PTPRM: variants seen among roughly 807,000 people sequenced by gnomAD.
The protein encoded by PTPRM is protein tyrosine phosphatase receptor type M.
In PTPRM, 47 loss-of-function variants were observed where a neutral mutation model predicts 186.7. The ratio of observed to expected loss-of-function variants is 0.25; its 90% CI spans 0.20 to 0.32. The LOEUF (loss-of-function observed/expected upper bound fraction) is 0.32, where lower values mean the gene tolerates loss of function less well. Among genes scored for constraint, PTPRM ranks in the 10% least tolerant of loss-of-function variants. The probability of loss-of-function intolerance (pLI) is 1.00; values close to 1 mark genes in which losing one functional copy is unlikely to be tolerated. For missense variants in PTPRM, 1,494 were observed against 1,865.0 expected (o/e 0.80, Z 3.66); for synonymous variants, 668 against 674.9 (o/e 0.99, Z 0.16).
chr18:7,960,888 A>C (rs1170910835), intron 7 of PTPRM, among the ~76,000 whole-genome samples: 1 of 152,140 alleles, frequency 6.6e-6, no homozygotes, highest in Non-Finnish European at 1.5e-5. Flanking sequence ...GATATTTTTT[A>C]TTATTTTACT....
intron 1 of PTPRM, among the ~76,000 whole-genome samples, chr18:7,771,406 T>C (rs1328798965): frequency 2.0e-5 from 3 of 152,246 alleles, no homozygotes; most frequent in Non-Finnish European, 4.4e-5. Context: ...CGTAAATGTT[T>C]GCAGTCTTCT....
chr18:8,201,225 A>G (rs993116439), intron 14 of PTPRM, among the ~76,000 whole-genome samples: 7 of 152,236 alleles, frequency 4.6e-5, no homozygotes, highest in Non-Finnish European at 1.0e-4. Flanking sequence ...CTGAGGCAGG[A>G]GAATTGCTTA....
At position 8,081,929 on chromosome 18, in the gene PTPRM, G is replaced by T. The variant is rs536112181; in HGVS notation, c.1552-3742G>T. 1.3e-4 allele frequency among the ~76,000 whole-genome samples: 20 copies of T among 152,260 alleles called. No homozygotes were observed. The East Asian group carries it at 3.3e-3, about 25-fold the overall frequency. On this transcript the variant is annotated intron_variant, in intron 9 of 32. Transcript: ENST00000580170. ...TTTTACCAAATTGTCAAAGGGCTAT[G>T]ACTGGAAGCCAGCTAAGAACCCCAG...
chr18:8,344,192 C>G (rs2095491057), intron 23 of PTPRM, among the ~76,000 whole-genome samples: 1 of 152,034 alleles, frequency 6.6e-6, no homozygotes, highest in South Asian at 2.1e-4. Context: ...CATGGTTGTG[C>G]TAACTGAAGA....
At chr18:8,051,602 G>A (rs2087504121) in intron 7 of PTPRM, among the ~76,000 whole-genome samples, 1 of 152,080 alleles carries the variant, frequency 6.6e-6, no homozygotes, top group Non-Finnish European at 1.5e-5. Flanking sequence ...TTGCATCATA[G>A]TAGTCCTGTG....
At chr18:7,619,876 G>A (rs940131758) in intron 1 of PTPRM, among the ~76,000 whole-genome samples, 8 of 152,254 alleles carry the variant, frequency 5.3e-5, no homozygotes, top group South Asian at 2.1e-4. Context: ...AGGAAAGCTC[G>A]TGCTTGTTTC....
At chr18:7,602,473 G>T (rs1244553165) in intron 1 of PTPRM, among the ~76,000 whole-genome samples, 2 of 149,872 alleles carry the variant, frequency 1.3e-5, no homozygotes, top group Non-Finnish European at 3.0e-5. Flanking sequence ...TGTAGCCCAT[G>T]CTGGAGTGCA....
chr18:7,949,656 A>C (rs980278852), intron 6 of PTPRM, among the ~76,000 whole-genome samples: 5 of 152,182 alleles, frequency 3.3e-5, no homozygotes, highest in African/African-American at 1.2e-4. Flanking sequence ...TTAAGGAATA[A>C]AATTTTTTAC....
chr18:7,819,275 T>C (rs983004728), intron 2 of PTPRM, among the ~76,000 whole-genome samples: 4 of 82,408 alleles, frequency 4.9e-5, no homozygotes, highest in Non-Finnish European at 8.8e-5. Context: ...TGGCCTGCCA[T>C]GCCCCCTTCC....
intron 14 of PTPRM, among the ~76,000 whole-genome samples, chr18:8,200,685 T>A (rs2093843505): frequency 6.6e-6 from 1 of 152,252 alleles, no homozygotes; most frequent in East Asian, 1.9e-4. Context: ...ACTTAAACTT[T>A]TTATTTTCAA....
chr18:8,387,227 G>A lies in PTPRM; in HGVS notation c.4200G>A (p.Val1400=). 1 of 1,613,600 alleles carries A rather than the reference G, an allele frequency of 6.2e-7. No individual in the cohort carries two copies. ...ATGGCGGGGAAGGCCGCACGGTTGT[G>A]CACTGCTTGTAAGTGCTTGACAGAG... is the stretch of plus-strand genomic sequence containing the variant. ...EYNGGEGRTV[V]HCLNGGGRSG... Residue 1400 remains valine (V), a synonymous_variant, in exon 31 of 33, where the codon GTG becomes GTA. Transcript: ENST00000580170.
rs2090560316 is a variant in PTPRM at position 8,088,730 on chromosome 18, T to A, written c.1754-19T>A. 1 of 1,562,910 alleles carries A rather than the reference T, an allele frequency of 6.4e-7. No homozygotes were observed. On this transcript the variant is annotated intron_variant, in intron 10 of 32. Coordinates refer to ENST00000580170, the MANE Select transcript of PTPRM (RefSeq NM_001105244.2). ...AAACCAGAAATAATGAGTCTCCCAT[T>A]CTACGCCTTTTTCCCCAGCACCCTC...
chr18:7,658,482 G>A (rs572932405), intron 1 of PTPRM, among the ~76,000 whole-genome samples: 3 of 151,956 alleles, frequency 2.0e-5, no homozygotes, highest in East Asian at 3.9e-4. Flanking sequence ...GAATCAACCA[G>A]CCTCTCTACT....
intron 15 of PTPRM, among the ~76,000 whole-genome samples, chr18:8,245,025 A>G (rs1348572385): frequency 6.6e-6 from 1 of 152,218 alleles, no homozygotes; most frequent in Admixed American, 6.5e-5. Context: ...TTACAAAAAA[A>G]TAATCGTAGT....
intron 23 of PTPRM, 77 bp downstream of exon 23, chr18:8,343,597 C>G: frequency 7.6e-7 from 1 of 1,314,104 alleles, no homozygotes. Context: ...ATGAGGCAAG[C>G]TTTTGAACTA....
At chr18:8,337,570 G>T (rs534599581) in intron 22 of PTPRM, among the ~76,000 whole-genome samples, 2 of 152,304 alleles carry the variant, frequency 1.3e-5, no homozygotes, top group South Asian at 4.1e-4. Context: ...AACAAAGCAA[G>T]TTAGGCATGA....
chr18:7,572,582 A>G (rs2036589707), intron 1 of PTPRM, among the ~76,000 whole-genome samples: 2 of 152,162 alleles, frequency 1.3e-5, no homozygotes. Context: ...ATGAGCATGT[A>G]TTATCTAAAT....
chr18:7,947,823 T>C (rs903809754), intron 5 of PTPRM, among the ~76,000 whole-genome samples: 4 of 152,134 alleles, frequency 2.6e-5, no homozygotes, highest in Admixed American at 6.6e-5. Flanking sequence ...AGCTCATCTT[T>C]CCTAAACCAC....
chr18:8,398,140 T>TTTTTTA lies in PTPRM; in HGVS notation c.4344+3547_4344+3552dup, dbSNP rs377234548. 7.6e-3 allele frequency among the ~76,000 whole-genome samples: 1,150 copies of TTTTTTA among 152,098 alleles called. 19 individuals carry two copies. The highest frequency in any genetic ancestry group is 0.026 in the African/African-American group (1,097 of 41,456). On this transcript the variant is annotated intron_variant, in intron 32 of 32. Coordinates refer to ENST00000580170, the MANE Select transcript of PTPRM (RefSeq NM_001105244.2). Reference sequence around the variant, plus strand: ...GGGGCATGCAACCATGCCTGGCTGGTTTTTTATTTTTATTTTTATTTTTTT... The same window carrying TTTTTTA: ...GGGGCATGCAACCATGCCTGGCTGGTTTTTTATTTTTATTTTTATTTTTATTTTTTT...
Sources: allele counts gnomAD v4.1 joint callset (sites outside exome capture counted in the v4.1 genomes callset), GRCh38; gene constraint gnomAD v4.1.1; transcripts MANE v1.5; gene names NCBI Gene and HGNC (gene_info 2026-07-23, HGNC 2026-07-21).